RBFOX1: variants seen among roughly 807,000 people sequenced by gnomAD.
The protein encoded by RBFOX1 is RNA binding fox-1 homolog 1.
Under a neutral mutation model 57.7 loss-of-function variants are expected in RBFOX1, and 8 were observed. That is an observed-to-expected ratio of 0.14 (90% CI 0.08 to 0.25). The LOEUF is 0.25. RBFOX1 is among the 10% of genes least tolerant of loss of function. The pLI is 1.00. For synonymous variants in RBFOX1, 326 were observed against 222.4 expected (o/e 1.47, Z -4.15); for missense variants, 611 against 548.5 (o/e 1.11, Z -1.14).
At chr16:6,519,924 C>T (rs2096466099) in intron 2 of RBFOX1, among the ~76,000 whole-genome samples, 1 of 152,168 alleles carries the variant, frequency 6.6e-6, no homozygotes, top group Admixed American at 6.5e-5. Flanking sequence ...ATGCTCTTAA[C>T]CACCCTTCTG....
At chr16:5,952,263 G>A (rs1453834611) in intron 4 of RBFOX1, among the ~76,000 whole-genome samples, 2 of 151,722 alleles carry the variant, frequency 1.3e-5, no homozygotes, top group African/African-American at 4.8e-5. Flanking sequence ...CGATTCTCCT[G>A]CCTCAGCCTC....
intron 4 of RBFOX1, among the ~76,000 whole-genome samples, chr16:5,997,760 C>T (rs1162414108): frequency 1.3e-5 from 2 of 152,220 alleles, no homozygotes; most frequent in Non-Finnish European, 2.9e-5. Context: ...TCTGTTAAAT[C>T]TCACTCAACT....
At chr16:6,798,011 G>C (rs906578907) in intron 3 of RBFOX1, among the ~76,000 whole-genome samples, 40 of 152,086 alleles carry the variant, frequency 2.6e-4, no homozygotes, top group African/African-American at 8.9e-4. Flanking sequence ...TAGGGATGAT[G>C]ATGATGATGA....
chr16:7,089,052 C>T (rs1300357853), intron 4 of RBFOX1, among the ~76,000 whole-genome samples: 3 of 152,136 alleles, frequency 2.0e-5, no homozygotes, highest in African/African-American at 7.2e-5. Flanking sequence ...GTCTGCCTTG[C>T]CCCTCAGTGA....
chr16:6,212,576 G>A (rs865907984), intron 1 of RBFOX1, among the ~76,000 whole-genome samples: 11 of 152,096 alleles, frequency 7.2e-5, no homozygotes, highest in East Asian at 1.9e-4. Flanking sequence ...GCATGGTGGT[G>A]GGCGCCTGTA....
intron 3 of RBFOX1, among the ~76,000 whole-genome samples, chr16:6,851,962 G>A (rs572065977): frequency 4.5e-4 from 67 of 148,682 alleles, no homozygotes; most frequent in Non-Finnish European, 8.1e-4. Context: ...ATGGAGGTTC[G>A]TCGCCCAGGC....
intron 1 of RBFOX1, among the ~76,000 whole-genome samples, chr16:6,062,550 C>G (rs1422190182): frequency 6.7e-6 from 1 of 148,466 alleles, no homozygotes; most frequent in Non-Finnish European, 1.5e-5. Context: ...ATATTTGTAT[C>G]TATATATGTA....
chr16:7,514,239 T>G (rs1447017655), intron 4 of RBFOX1, among the ~76,000 whole-genome samples: 1 of 152,164 alleles, frequency 6.6e-6, no homozygotes, highest in Non-Finnish European at 1.5e-5. Context: ...TGTGTTCCAA[T>G]AAAACTTTAT....
chr16:5,485,803 A>G (rs2069712558), intron 2 of RBFOX1, among the ~76,000 whole-genome samples: 1 of 152,202 alleles, frequency 6.6e-6, no homozygotes, highest in Non-Finnish European at 1.5e-5. Flanking sequence ...GAGCACAAGA[A>G]CGACCATGGG....
intron 1 of RBFOX1, among the ~76,000 whole-genome samples, chr16:6,100,614 G>A (rs1181098491): frequency 6.6e-6 from 1 of 152,206 alleles, no homozygotes; most frequent in Non-Finnish European, 1.5e-5. Flanking sequence ...ACATAATAAC[G>A]AATATTTATT....
intron 4 of RBFOX1, among the ~76,000 whole-genome samples, chr16:7,323,792 T>C (rs562631557): frequency 1.3e-5 from 2 of 152,250 alleles, no homozygotes; most frequent in South Asian, 4.1e-4. Flanking sequence ...ATGAAGAAGA[T>C]GAAGATGTAG....
At chr16:6,293,610 T>C (rs1163637955) in intron 1 of RBFOX1, among the ~76,000 whole-genome samples, 1 of 152,148 alleles carries the variant, frequency 6.6e-6, no homozygotes, top group Non-Finnish European at 1.5e-5. Context: ...ATGTGATACC[T>C]TATGCCGTAT....
chr16:7,052,014 C>G (rs745877487), intron 3 of RBFOX1, 43 bp from the exon 4 acceptor site: 3 of 1,588,816 alleles, frequency 1.9e-6, no homozygotes, highest in Non-Finnish European at 2.6e-6. Context: ...TTTTCTGATC[C>G]GGAGCCTTCT....
intron 2 of RBFOX1, among the ~76,000 whole-genome samples, chr16:5,575,680 C>A (rs4786718): frequency 0.8 from 122,412 of 152,140 alleles, 50,384 homozygotes; most frequent in East Asian, 1. Context: ...GAGTGTGGAC[C>A]TAACCAGTGA....
At chr16:7,208,071 C>A (rs761180522) in intron 4 of RBFOX1, among the ~76,000 whole-genome samples, 5 of 152,202 alleles carry the variant, frequency 3.3e-5, no homozygotes, top group Non-Finnish European at 2.9e-5. Context: ...ATCAATCCTG[C>A]AACAGGGAAG....
chr16:6,073,791 A>T (rs918752), intron 1 of RBFOX1, among the ~76,000 whole-genome samples: 31,766 of 150,834 alleles, frequency 0.21, 4,200 homozygotes, highest in Non-Finnish European at 0.29. Context: ...AAAGGTATAT[A>T]TTTTTTTTAT....
chr16:7,261,799 G>C (rs1471132600), intron 4 of RBFOX1, among the ~76,000 whole-genome samples: 1 of 152,148 alleles, frequency 6.6e-6, no homozygotes, highest in African/African-American at 2.4e-5. Flanking sequence ...GAATCCCCTG[G>C]AGAGCTTTGA....
chr16:6,736,727 A>G (rs1436059649), intron 3 of RBFOX1, among the ~76,000 whole-genome samples: 2 of 152,168 alleles, frequency 1.3e-5, no homozygotes, highest in Non-Finnish European at 2.9e-5. Context: ...TCCTTAATGA[A>G]TCTCCACACT....
Position 7,630,804 on chromosome 16 carries a change from G to A in RBFOX1, c.757+121G>A. 5 of 1,485,044 alleles carry A rather than the reference G, an allele frequency of 3.4e-6. No individual in the cohort carries two copies. The Admixed American group carries it at 1.3e-4, about 38-fold the overall frequency. 92.0% of individuals were successfully genotyped at this position (1,485,044 alleles called of 1,614,324 possible). A position where few individuals can be genotyped will look rare whatever the true frequency, so the allele number is the denominator to read the frequency against. ...CACCCTCTCTTGTGGCTCTCTCTGAGGTGAAGTTAATTTTCATAAGCATGT... is the reference window on the plus strand; with the variant it reads ...CACCCTCTCTTGTGGCTCTCTCTGAAGTGAAGTTAATTTTCATAAGCATGT... On this transcript the variant is annotated intron_variant, in intron 11 of 15. Transcript: ENST00000550418.
Sources: allele counts gnomAD v4.1 joint callset (sites outside exome capture counted in the v4.1 genomes callset), GRCh38; gene constraint gnomAD v4.1.1; transcripts MANE v1.5; gene names NCBI Gene and HGNC (gene_info 2026-07-23, HGNC 2026-07-21).